The following SCYL3 variants were observed in gnomAD, a reference collection of about 807,000 sequenced individuals.
SCYL3 encodes protein-associating with the carboxyl-terminal domain of ezrin.
SCYL3 carries 35 observed loss-of-function variants against 73.8 expected under a neutral mutation model. That is an observed-to-expected ratio of 0.47 (90% CI 0.36 to 0.63). SCYL3 has a LOEUF of 0.63. SCYL3 is among the 20% of genes least tolerant of loss of function. The pLI is 0.00. For synonymous variants in SCYL3, 277 were observed against 295.2 expected (o/e 0.94, Z 0.63); for missense variants, 712 against 798.9 (o/e 0.89, Z 1.31).
intron 1 of SCYL3, among the ~76,000 whole-genome samples, chr1:169,892,520 G>A (rs1299545771): frequency 1.3e-5 from 2 of 152,140 alleles, no homozygotes; most frequent in Non-Finnish European, 2.9e-5. Context: ...TTGAGGACGG[G>A]GAAAACACAA....
At chr1:169,869,074 T>A in intron 6 of SCYL3, 35 bp from the exon 7 acceptor site, 1 of 1,546,614 alleles carries the variant, frequency 6.5e-7, no homozygotes, top group Non-Finnish European at 8.9e-7. Context: ...TTCCAATGCC[T>A]TCTCCCTCTT....
At position 169,866,919 on chromosome 1, in the gene SCYL3, T is replaced by C; in HGVS notation, c.792A>G (p.Glu264=). The change falls in exon 8 of 13, where the codon GAA becomes GAG. Residue 264 remains glutamate (E), a synonymous_variant. Coordinates refer to ENST00000367771, the MANE Select transcript of SCYL3 (RefSeq NM_020423.7). The part of the protein sequence containing the change: ...NFLKSLTLKS[E]EEKTEFFKFL... Reference sequence around the variant, plus strand: ...ACTTAAAGAATTCCGTTTTCTCCTCTTCACTCTTCAATGTTAAACTTTTCA... The same window carrying C: ...ACTTAAAGAATTCCGTTTTCTCCTCCTCACTCTTCAATGTTAAACTTTTCA... The C allele has an allele frequency of 6.3e-7, 1 of 1,582,070 alleles. No individual in the cohort carries two copies. The highest frequency in any genetic ancestry group is 1.7e-4 in the Middle Eastern group (1 of 5,934).
Position 169,852,768 on chromosome 1 carries a change from A to C in SCYL3, c.*945T>G. On this transcript the variant is annotated 3_prime_UTR_variant, in exon 13 of 13. Transcript: ENST00000367771. The stretch of plus-strand genomic sequence containing the variant: ...TTATATTTAGAATGGATATTGTGAT[A>C]TTACTTATGTTTTTTTTCCAGCCTT... 6.2e-7 allele frequency: 1 copy of C among 1,610,748 alleles called. No homozygotes were observed. Among genetic ancestry groups the C allele is most frequent in the Non-Finnish European group, 8.5e-7 (1 of 1,177,806 alleles).
chr1:169,885,229 T>A (rs1187608028), intron 2 of SCYL3, among the ~76,000 whole-genome samples: 1 of 152,196 alleles, frequency 6.6e-6, no homozygotes, highest in South Asian at 2.1e-4. Flanking sequence ...ATGATGATAT[T>A]TTTCTACACC....
At chr1:169,882,387 C>T (rs1661343925) in intron 2 of SCYL3, among the ~76,000 whole-genome samples, 1 of 152,206 alleles carries the variant, frequency 6.6e-6, no homozygotes. Flanking sequence ...ATGCCTGAGC[C>T]TCCCACCCCT....
chr1:169,893,447 G>A (rs1394276117), intron 1 of SCYL3, among the ~76,000 whole-genome samples: 1 of 152,076 alleles, frequency 6.6e-6, no homozygotes, highest in East Asian at 1.9e-4. Context: ...AAGGGCCGAG[G>A]CGCCGCTCTC....
chr1:169,877,247 C>A (rs1030491214), intron 3 of SCYL3, among the ~76,000 whole-genome samples: 1 of 152,096 alleles, frequency 6.6e-6, no homozygotes, highest in East Asian at 1.9e-4. Flanking sequence ...CCTTGACCTC[C>A]TGGGCTCAAG....
intron 10 of SCYL3, among the ~76,000 whole-genome samples, chr1:169,862,109 T>C (rs375798874): frequency 1.3e-5 from 2 of 152,194 alleles, no homozygotes; most frequent in Non-Finnish European, 2.9e-5. Context: ...AAAAATAAAT[T>C]TGTATTGCTT....
intron 4 of SCYL3, among the ~76,000 whole-genome samples, chr1:169,874,119 A>T (rs537117017): frequency 6.6e-6 from 1 of 152,312 alleles, no homozygotes; most frequent in Admixed American, 6.5e-5. Context: ...GCACAGAACA[A>T]ATCTGTCATT....
At position 169,851,549 on chromosome 1, in the gene SCYL3, T is replaced by A; in HGVS notation, c.*2164A>T. ...TTAAGTACATGTGTATACACTGCTGTTGCCAGTTTCTTAGCTTATACAGTA... is the reference window on the plus strand; with the variant it reads ...TTAAGTACATGTGTATACACTGCTGATGCCAGTTTCTTAGCTTATACAGTA... On this transcript the variant is annotated 3_prime_UTR_variant, in exon 13 of 13. Coordinates refer to ENST00000367771, the MANE Select transcript of SCYL3 (RefSeq NM_020423.7). 2.3e-6 allele frequency: 1 copy of A among 432,824 alleles called. No individual in the cohort carries two copies. The highest frequency in any genetic ancestry group is 4.1e-6 in the Non-Finnish European group (1 of 242,034). The allele number at this position is 432,824 out of a possible 1,614,324, so 26.8% of individuals were successfully genotyped here.
intron 11 of SCYL3, 115 bp from the exon 12 acceptor site, chr1:169,855,079 C>T (rs1659000881): frequency 5.7e-6 from 4 of 705,956 alleles, no homozygotes; most frequent in East Asian, 2.7e-5. Flanking sequence ...TGGAAATATC[C>T]ATGCATACTA....
chr1:169,853,147 A>G lies in SCYL3; in HGVS notation c.*566T>C. ...GAACAGGATTGTGGGGAATATTCTT[A>G]TTAAGAACTTTGGTACAATGTACTA... is the stretch of plus-strand genomic sequence containing the variant. On this transcript the variant is annotated 3_prime_UTR_variant, in exon 13 of 13. Coordinates refer to ENST00000367771, the MANE Select transcript of SCYL3 (RefSeq NM_020423.7). The G allele has an allele frequency of 4.1e-6, 3 of 727,228 alleles. No homozygotes were observed. The allele number at this position is 727,228 out of a possible 1,614,324, so 45.0% of individuals were successfully genotyped here.
intron 5 of SCYL3, among the ~76,000 whole-genome samples, chr1:169,873,165 G>A (rs188205425): frequency 6.6e-6 from 1 of 152,238 alleles, no homozygotes; most frequent in East Asian, 1.9e-4. Context: ...GGAGGTGATT[G>A]AATTATGGAG....
chr1:169,890,906 T>C (rs1479359930), intron 1 of SCYL3, among the ~76,000 whole-genome samples: 1 of 152,258 alleles, frequency 6.6e-6, no homozygotes, highest in Non-Finnish European at 1.5e-5. Flanking sequence ...AATCCCTCTG[T>C]TCTGGAGATA....
In SCYL3 at chr1:169,851,008, TTTG is replaced by T. The variant is rs1558102937; in HGVS notation, c.*2702_*2704del. 395 of 27,278 alleles carry T rather than the reference TTTG, an allele frequency of 0.014. 95 individuals are homozygous for T. The East Asian group carries it at 0.21, about 15-fold the overall frequency. The allele number at this position is 27,278 out of a possible 1,614,324, so 1.7% of individuals were successfully genotyped here. On this transcript the variant is annotated 3_prime_UTR_variant, in exon 13 of 13. Transcript: ENST00000367771. ...TTTTTTTTTTTTTTTTTTTTTTTTA[TTTG>T]GGCAGCCTCCCAAGCCAGGGTAAGC...
chr1:169,882,266 G>A (rs569384432), intron 2 of SCYL3, among the ~76,000 whole-genome samples: 113 of 152,348 alleles, frequency 7.4e-4, no homozygotes, highest in African/African-American at 2.5e-3. Flanking sequence ...CAGTGGCTGC[G>A]GAGGGTGTAC....
chr1:169,882,606 T>C (rs1015789991), intron 2 of SCYL3, among the ~76,000 whole-genome samples: 5 of 152,200 alleles, frequency 3.3e-5, no homozygotes, highest in African/African-American at 1.2e-4. Flanking sequence ...AACCTTTGTG[T>C]CTAGCTCAGG....
chr1:169,888,633 T>C (rs1661842384), intron 2 of SCYL3, 43 bp downstream of exon 2: 5 of 1,488,248 alleles, frequency 3.4e-6, no homozygotes, highest in East Asian at 2.3e-5. Flanking sequence ...GAAAACAAGA[T>C]AGTAAAAAGT....
At chr1:169,866,562 A>C (rs904387642) in intron 8 of SCYL3, among the ~76,000 whole-genome samples, 1 of 152,166 alleles carries the variant, frequency 6.6e-6, no homozygotes, top group Non-Finnish European at 1.5e-5. Context: ...CACAAGTCAC[A>C]CTAGGTCTTG....
Sources: gnomAD v4.1 joint callset for allele counts (sites outside exome capture counted in the v4.1 genomes callset) on GRCh38, gnomAD v4.1.1 for gene constraint, MANE v1.5 for transcripts, NCBI Gene and HGNC (gene_info 2026-07-23, HGNC 2026-07-21) for gene names.